The following DOCK4 variants were observed in gnomAD, a reference collection of about 807,000 sequenced individuals.
DOCK4 encodes dedicator of cytokinesis 4.
DOCK4 carries 97 observed loss-of-function variants against 268.1 expected under a neutral mutation model. The observed-to-expected ratio is 0.36, with a 90% CI of 0.31 to 0.43. DOCK4 has a LOEUF of 0.43. Ranked by LOEUF, DOCK4 falls within the 20% of genes least tolerant of loss-of-function variation. The pLI is 1.00. For missense variants in DOCK4, 2,145 were observed against 2,455.7 expected, an observed-to-expected ratio of 0.87 and a Z score of 2.67; for synonymous variants, 954 against 887.2, an observed-to-expected ratio of 1.08 and a Z score of -1.34.
chr7:112,000,756 T>C (rs1037986096), intron 2 of DOCK4, among the ~76,000 whole-genome samples: 3 of 152,206 alleles, frequency 2.0e-5, no homozygotes, highest in African/African-American at 7.2e-5. Flanking sequence ...CAAAAATTTT[T>C]ATAAACAACA....
At chr7:111,955,295 G>A (rs551058070) in intron 8 of DOCK4, among the ~76,000 whole-genome samples, 3 of 152,212 alleles carry the variant, frequency 2.0e-5, no homozygotes, top group African/African-American at 4.8e-5. Flanking sequence ...AATGGAAAGA[G>A]GAAGATCTCT....
At position 111,732,438 on chromosome 7, in the gene DOCK4, A is replaced by G. The variant is rs780145281; in HGVS notation, c.5420-151T>C. 4.3e-6 allele frequency: 3 copies of G among 701,580 alleles called. No homozygotes were observed. In the East Asian group the frequency reaches 8.1e-5, roughly 19 times the overall value. 43.5% of individuals were successfully genotyped at this position (701,580 alleles called of 1,614,324 possible). ...GGTGGTGAGGATGGGGGAGAAGCTAAATGATGCCTGTCTAGAATGGGTTCT... is the reference window on the plus strand; with the variant it reads ...GGTGGTGAGGATGGGGGAGAAGCTAGATGATGCCTGTCTAGAATGGGTTCT... On this transcript the variant is annotated intron_variant, in intron 51 of 52. Transcript: ENST00000428084.
At chr7:112,197,075 C>G (rs934426446) in intron 1 of DOCK4, among the ~76,000 whole-genome samples, 1 of 152,106 alleles carries the variant, frequency 6.6e-6, no homozygotes, top group African/African-American at 2.4e-5. Context: ...ATTTTGCCAA[C>G]AGACGTTCTG....
At chr7:112,118,448 T>C (rs1812382880) in intron 1 of DOCK4, among the ~76,000 whole-genome samples, 2 of 152,088 alleles carry the variant, frequency 1.3e-5, no homozygotes, top group Admixed American at 6.6e-5. Flanking sequence ...ACAAGATAAA[T>C]ATTTTGGCCT....
intron 1 of DOCK4, among the ~76,000 whole-genome samples, chr7:112,066,690 C>CATATATATATATATATATATAT (rs751631282): frequency 9.5e-5 from 2 of 20,978 alleles, no homozygotes; most frequent in Non-Finnish European, 1.7e-4. Context: ...TATACATATA[C>CATATATATATATATATATATAT]ATATATATAT....
intron 6 of DOCK4, among the ~76,000 whole-genome samples, chr7:111,986,924 C>A (rs1246972342): frequency 6.6e-6 from 1 of 152,186 alleles, no homozygotes; most frequent in Non-Finnish European, 1.5e-5. Flanking sequence ...TATGTGCTGG[C>A]AGCTTATTTT....
chr7:112,027,976 C>A (rs551386727), intron 1 of DOCK4, among the ~76,000 whole-genome samples: 1 of 152,150 alleles, frequency 6.6e-6, no homozygotes, highest in Non-Finnish European at 1.5e-5. Context: ...AAGGTGAGTA[C>A]AGGGCAGTAC....
intron 8 of DOCK4, among the ~76,000 whole-genome samples, chr7:111,946,423 G>A (rs975410162): frequency 5.9e-5 from 9 of 152,106 alleles, no homozygotes; most frequent in Non-Finnish European, 7.4e-5. Flanking sequence ...ATAAGGAGGC[G>A]AGGCTAGGCG....
intron 13 of DOCK4, among the ~76,000 whole-genome samples, chr7:111,902,380 C>A (rs1791216303): frequency 6.6e-6 from 1 of 152,086 alleles, no homozygotes; most frequent in Admixed American, 6.5e-5. Flanking sequence ...TATCATCAAG[C>A]TATAAAACAA....
intron 1 of DOCK4, among the ~76,000 whole-genome samples, chr7:112,104,051 A>T (rs528450843): frequency 9.2e-5 from 14 of 152,314 alleles, no homozygotes; most frequent in African/African-American, 3.1e-4. Context: ...GCTTTATTCC[A>T]ACAGGGATAG....
intron 1 of DOCK4, among the ~76,000 whole-genome samples, chr7:112,064,877 G>A (rs867917052): frequency 1.3e-5 from 2 of 152,280 alleles, no homozygotes; most frequent in South Asian, 4.1e-4. Context: ...TACACAGAGG[G>A]AGAACCATGT....
intron 27 of DOCK4, among the ~76,000 whole-genome samples, chr7:111,812,455 T>A (rs1252833254): frequency 6.6e-6 from 1 of 152,150 alleles, no homozygotes; most frequent in African/African-American, 2.4e-5. Flanking sequence ...AAATGGTTTT[T>A]CAGTTTTTCT....
At chr7:112,073,507 G>T (rs1284153086) in intron 1 of DOCK4, among the ~76,000 whole-genome samples, 1 of 151,648 alleles carries the variant, frequency 6.6e-6, no homozygotes, top group African/African-American at 2.4e-5. Flanking sequence ...ATGTAAAAAA[G>T]GATTTCAATC....
At chr7:112,141,760 C>G (rs543877692) in intron 1 of DOCK4, among the ~76,000 whole-genome samples, 1 of 152,240 alleles carries the variant, frequency 6.6e-6, no homozygotes, top group South Asian at 2.1e-4. Flanking sequence ...GTGCAAATGT[C>G]TGTTGGACAA....
intron 44 of DOCK4, among the ~76,000 whole-genome samples, chr7:111,744,543 G>A (rs1004917602): frequency 1.4e-4 from 21 of 152,234 alleles, no homozygotes; most frequent in African/African-American, 4.8e-4. Context: ...AAGGTTCCCT[G>A]GTTTTATTTT....
At chr7:112,064,914 G>A (rs1355118601) in intron 1 of DOCK4, among the ~76,000 whole-genome samples, 1 of 152,214 alleles carries the variant, frequency 6.6e-6, no homozygotes, top group Non-Finnish European at 1.5e-5. Flanking sequence ...ACAGCCATTG[G>A]TAAGCGCATC....
chr7:111,788,355 TA>T (rs1799314455), intron 32 of DOCK4: 1 of 307,764 alleles, frequency 3.2e-6, no homozygotes, highest in Non-Finnish European at 6.1e-6. Context: ...TAACCCCACT[TA>T]AAATCATTAT....
chr7:111,779,831 G>A (rs955131773), intron 35 of DOCK4, among the ~76,000 whole-genome samples: 14 of 152,208 alleles, frequency 9.2e-5, no homozygotes, highest in African/African-American at 3.4e-4. Context: ...TCTAGTAAAA[G>A]CATAATGTTG....
At chr7:111,754,390 A>G (rs549486118) in intron 42 of DOCK4, among the ~76,000 whole-genome samples, 4 of 152,346 alleles carry the variant, frequency 2.6e-5, no homozygotes, top group African/African-American at 9.6e-5. Flanking sequence ...TTCTTGAAAA[A>G]CAATTTGGTC....
Sources: gnomAD v4.1 joint callset for allele counts (sites outside exome capture counted in the v4.1 genomes callset) on GRCh38, gnomAD v4.1.1 for gene constraint, MANE v1.5 for transcripts, NCBI Gene and HGNC (gene_info 2026-07-23, HGNC 2026-07-21) for gene names.